The following CACNA1C variants were observed in gnomAD, a reference collection of about 807,000 sequenced individuals.
CACNA1C encodes the protein calcium voltage-gated channel subunit alpha1 C, also known as voltage-dependent L-type calcium channel subunit alpha-1C.
A neutral mutation model predicts 229.0 loss-of-function variants in CACNA1C; 30 were observed. The observed-to-expected ratio is 0.13, with a 90% CI of 0.10 to 0.18. CACNA1C has a LOEUF of 0.18. Among genes scored for constraint, CACNA1C ranks in the 10% least tolerant of loss-of-function variants. The pLI is 1.00. For missense variants in CACNA1C, 1,658 were observed against 2,845.0 expected, an observed-to-expected ratio of 0.58 and a Z score of 9.49; for synonymous variants, 1,114 against 1,132.5, an observed-to-expected ratio of 0.98 and a Z score of 0.33.
At chr12:2,322,922 G>A (rs1269722538) in intron 3 of CACNA1C, among the ~76,000 whole-genome samples, 2 of 152,202 alleles carry the variant, frequency 1.3e-5, no homozygotes, top group African/African-American at 2.4e-5. Context: ...GTGGCCCTCC[G>A]CCTGCCTGCT....
intron 18 of CACNA1C, among the ~76,000 whole-genome samples, chr12:2,588,937 C>T (rs2153274924): frequency 6.6e-6 from 1 of 152,190 alleles, no homozygotes; most frequent in Admixed American, 6.5e-5. Flanking sequence ...GCTTTCATTG[C>T]TGCAGAGGGT....
chr12:2,181,093 G>A lies in CACNA1C; in HGVS notation c.477+60663G>A, dbSNP rs1008018730. On this transcript the variant is annotated intron_variant, in intron 3 of 46. Transcript: ENST00000399655. This position sits in a 1 kb window ranked among gnomAD's most constrained non-coding sequence, Gnocchi z 4.0. ...ATCAGACTCAAATGTTTTCTTCTGG[G>A]GGGTTACAGTCTGGGGAAGACCCCT... is the stretch of plus-strand genomic sequence containing the variant. Among the ~76,000 whole-genome samples, 2 of 152,180 alleles carry A rather than the reference G, an allele frequency of 1.3e-5. No individual in the cohort carries two copies. The highest frequency in any genetic ancestry group is 2.9e-5 in the Non-Finnish European group (2 of 68,030).
chr12:2,120,498 G>A, intron 3 of CACNA1C, 68 bp downstream of exon 3: 3 of 899,742 alleles, frequency 3.3e-6, no homozygotes, highest in Admixed American at 1.7e-5. Flanking sequence ...TCACATAGAT[G>A]CATGGAATGT....
At chr12:2,124,466 A>G (rs534046010) in intron 3 of CACNA1C, among the ~76,000 whole-genome samples, 1 of 152,128 alleles carries the variant, frequency 6.6e-6, no homozygotes, top group Non-Finnish European at 1.5e-5. Flanking sequence ...TTTTGAGGGG[A>G]TGAGAAGAGC....
intron 1 of CACNA1C, among the ~76,000 whole-genome samples, chr12:2,041,713 A>G (rs1026670199): frequency 6.6e-6 from 1 of 152,278 alleles, no homozygotes; most frequent in Admixed American, 6.5e-5. Context: ...GATAGAAGAC[A>G]GAGTGAGAAT....
At chr12:2,284,885 A>G (rs2092368624) in intron 3 of CACNA1C, among the ~76,000 whole-genome samples, 2 of 152,232 alleles carry the variant, frequency 1.3e-5, no homozygotes, top group Admixed American at 6.5e-5. Flanking sequence ...CATTTTCCTT[A>G]GAGCCTGAAG....
chr12:2,004,439 C>T (rs775221731), intron 1 of CACNA1C: 71 of 1,604,114 alleles, frequency 4.4e-5, no homozygotes, highest in Non-Finnish European at 5.7e-5. Flanking sequence ...CATCTTCCCT[C>T]CCTCCCAGAC....
chr12:2,519,546 G>C (rs1004904416), intron 9 of CACNA1C, among the ~76,000 whole-genome samples: 1 of 152,210 alleles, frequency 6.6e-6, no homozygotes, highest in African/African-American at 2.4e-5. Context: ...TTGGAAACAG[G>C]CGAATAAGCA....
intron 1 of CACNA1C, among the ~76,000 whole-genome samples, chr12:2,035,677 G>T (rs1465473285): frequency 6.6e-6 from 1 of 152,224 alleles, no homozygotes; most frequent in African/African-American, 2.4e-5. Flanking sequence ...CTGCAGCCAG[G>T]TGTGCCTATA....
intron 3 of CACNA1C, among the ~76,000 whole-genome samples, chr12:2,219,680 A>G (rs2060933292): frequency 6.6e-6 from 1 of 152,160 alleles, no homozygotes; most frequent in South Asian, 2.1e-4. Context: ...AATTAGAGAG[A>G]AAAGCTAATC....
intron 7 of CACNA1C, among the ~76,000 whole-genome samples, chr12:2,497,482 G>T (rs1175676451): frequency 6.6e-6 from 1 of 152,110 alleles, no homozygotes; most frequent in African/African-American, 2.4e-5. Flanking sequence ...AGCTCTTTAG[G>T]AATCTCAATG....
At chr12:2,037,213 C>T (rs988242069) in intron 1 of CACNA1C, among the ~76,000 whole-genome samples, 8 of 152,146 alleles carry the variant, frequency 5.3e-5, no homozygotes, top group African/African-American at 1.2e-4. Flanking sequence ...CATCATGAGA[C>T]GGAGTAATCT....
rs2097020052 is a variant in CACNA1C, at chr12:2,679,530, C to T, written c.5178C>T (p.Arg1726=). ...TCCCCCAGACCTTCACCACTCAGCG[C>T]CCGCTGCACATCAACAAGGCGGGCA... The part of the protein sequence containing the change: ...SAFPQTFTTQ[R]PLHINKAGSS... Residue 1726 remains arginine, a synonymous_variant, in exon 42 of 47, where the codon CGC becomes CGT. Coordinates refer to ENST00000399655, the MANE Select transcript of CACNA1C (RefSeq NM_000719.7). The surrounding 1 kb of genome is among the most constrained non-coding windows in gnomAD (Gnocchi z 5.5). The T allele has an allele frequency of 1.9e-6, 3 of 1,612,894 alleles. No individual in the cohort carries two copies. Among genetic ancestry groups the T allele is most frequent in the African/African-American group, 2.7e-5 (2 of 75,030 alleles).
At chr12:2,621,373 G>A (rs2153504313) in intron 29 of CACNA1C, among the ~76,000 whole-genome samples, 1 of 152,252 alleles carries the variant, frequency 6.6e-6, no homozygotes, top group African/African-American at 2.4e-5. Context: ...GCAGAAGGAA[G>A]AGCAAAGACC....
intron 3 of CACNA1C, among the ~76,000 whole-genome samples, chr12:2,224,711 A>C (rs55802595): frequency 0.022 from 3,307 of 152,302 alleles, 78 homozygotes; most frequent in South Asian, 0.1. Flanking sequence ...CATTCTTCGT[A>C]TAAGTAAACA....
chr12:2,305,617 G>A (rs1205377766), intron 3 of CACNA1C, among the ~76,000 whole-genome samples: 1 of 152,232 alleles, frequency 6.6e-6, no homozygotes, highest in Non-Finnish European at 1.5e-5. Context: ...GCTGAGGTGG[G>A]AGGATCACTT....
Position 2,605,923 on chromosome 12 carries a change from C to A in CACNA1C, c.3156+137C>A. 1.5e-6 allele frequency: 1 copy of A among 648,468 alleles called. No homozygotes were observed. The highest frequency in any genetic ancestry group is 2.8e-6 in the Non-Finnish European group (1 of 357,298). The allele number at this position is 648,468 out of a possible 1,614,324, so 40.2% of individuals were successfully genotyped here. Reference sequence around the variant, plus strand: ...CTTGGATATAACCTCCACCTGCAGCCCGACTCAACCTTCAGACCAGGGTAG... The same window carrying A: ...CTTGGATATAACCTCCACCTGCAGCACGACTCAACCTTCAGACCAGGGTAG... On this transcript the variant is annotated intron_variant, in intron 24 of 46. Transcript: ENST00000399655. The surrounding 1 kb of genome is among the most constrained non-coding windows in gnomAD (Gnocchi z 6.2).
intron 3 of CACNA1C, among the ~76,000 whole-genome samples, chr12:2,298,667 T>C (rs1360665750): frequency 1.3e-5 from 2 of 152,186 alleles, no homozygotes; most frequent in African/African-American, 2.4e-5. Flanking sequence ...ATTCAGAAGG[T>C]GACAAGTGGA....
intron 9 of CACNA1C, among the ~76,000 whole-genome samples, chr12:2,538,912 G>C (rs4765954): frequency 0.28 from 42,103 of 152,066 alleles, 6,277 homozygotes; most frequent in African/African-American, 0.38. Flanking sequence ...TCTATTCTGC[G>C]GTGGGGCTGG....
Sources: allele counts gnomAD v4.1 joint callset (sites outside exome capture counted in the v4.1 genomes callset), GRCh38; gene constraint gnomAD v4.1.1; non-coding constraint Gnocchi (gnomAD v3.1); transcripts MANE v1.5; gene names NCBI Gene and HGNC (gene_info 2026-07-23, HGNC 2026-07-21).